PPFIA1: variants seen among roughly 807,000 people sequenced by gnomAD.
PPFIA1 encodes the protein PPFI scaffold protein A1, also known as liprin-alpha-1.
In PPFIA1, 25 loss-of-function variants were observed where a neutral mutation model predicts 149.9. The observed-to-expected ratio is 0.17, with a 90% CI of 0.12 to 0.23. PPFIA1 has a LOEUF of 0.23. Among genes scored for constraint, PPFIA1 ranks in the 10% least tolerant of loss-of-function variants. PPFIA1 has a pLI of 1.00. For missense variants in PPFIA1, 1,362 were observed against 1,506.5 expected, an observed-to-expected ratio of 0.90 and a Z score of 1.59; for synonymous variants, 549 against 552.8, an observed-to-expected ratio of 0.99 and a Z score of 0.10.
chr11:70,364,798 A>G (rs534558822), intron 21 of PPFIA1: 1 of 152,306 alleles, frequency 6.6e-6, no homozygotes, highest in Admixed American at 6.5e-5. Flanking sequence ...AACACCTCAC[A>G]TAAGGCAGAC....
intron 19 of PPFIA1, chr11:70,358,670 A>G (rs2056478604): frequency 6.6e-6 from 1 of 152,242 alleles, no homozygotes; most frequent in Non-Finnish European, 1.5e-5. Flanking sequence ...TTTAACTCAA[A>G]GGTGTGTTTT....
At chr11:70,379,621 A>T (rs1188600309) in intron 26 of PPFIA1, among the ~76,000 whole-genome samples, 1 of 152,112 alleles carries the variant, frequency 6.6e-6, no homozygotes, top group Admixed American at 6.6e-5. Context: ...TAAAAAAAAA[A>T]AAATAATAAT....
intron 16 of PPFIA1, among the ~76,000 whole-genome samples, chr11:70,353,525 G>A (rs2056189510): frequency 6.6e-6 from 1 of 152,122 alleles, no homozygotes; most frequent in Non-Finnish European, 1.5e-5. Flanking sequence ...ACCCTGCAGG[G>A]GTGAGTCTGT....
rs193000064 is a variant in PPFIA1, at chr11:70,382,653, C to A, written c.*13-350C>A. Among the ~76,000 whole-genome samples, 419 of 152,324 alleles carry A rather than the reference C, an allele frequency of 2.8e-3. 3 individuals are homozygous for A. The highest frequency in any genetic ancestry group is 9.6e-3 in the African/African-American group (397 of 41,570). On this transcript the variant is annotated intron_variant, in intron 27 of 27. Transcript: ENST00000253925. ...GCCTTTCAGTTTGGAGAGACTGGTT[C>A]TTAAAACTGCGGACTCTGGCTGGTG...
intron 2 of PPFIA1, chr11:70,282,518 A>ATTTTTT (rs869216935): frequency 4.2e-5 from 3 of 71,464 alleles, no homozygotes; most frequent in African/African-American, 1.3e-4. Context: ...TTGAGTGCTG[A>ATTTTTT]TTTTTTTTTT....
At chr11:70,298,486 G>A (rs1310556807) in intron 2 of PPFIA1, among the ~76,000 whole-genome samples, 1 of 152,152 alleles carries the variant, frequency 6.6e-6, no homozygotes, top group Non-Finnish European at 1.5e-5. Flanking sequence ...TGAATGCCTG[G>A]CACTTTCTTT....
At chr11:70,374,885 GC>G in intron 23 of PPFIA1, 32 bp from the exon 24 acceptor site, 1 of 1,600,568 alleles carries the variant, frequency 6.2e-7, no homozygotes, top group Non-Finnish European at 8.5e-7. Flanking sequence ...GCTTTCTGAA[GC>G]CACTTTTATA....
intron 20 of PPFIA1, 28 bp downstream of exon 20, chr11:70,362,204 C>T (rs542038045): frequency 1.4e-5 from 22 of 1,612,820 alleles, no homozygotes; most frequent in South Asian, 1.2e-4. Flanking sequence ...CATGCAGTTG[C>T]GTGGGTTACA....
chr11:70,317,415 T>C (rs2053700113), intron 2 of PPFIA1, among the ~76,000 whole-genome samples: 1 of 152,210 alleles, frequency 6.6e-6, no homozygotes, highest in South Asian at 2.1e-4. Flanking sequence ...GAGAGAAAGG[T>C]TTTTTTCTTT....
chr11:70,296,054 G>C (rs1457640890), intron 2 of PPFIA1, among the ~76,000 whole-genome samples: 4 of 151,184 alleles, frequency 2.6e-5, no homozygotes, highest in African/African-American at 9.7e-5. Flanking sequence ...GGGCGTCGGG[G>C]CAAAGGCACT....
At position 70,372,267 on chromosome 11, in the gene PPFIA1, C is replaced by T. The variant is rs1475495318; in HGVS notation, c.2918C>T (p.Pro973Leu). The T allele has an allele frequency of 6.2e-7, 1 of 1,614,202 alleles. No homozygotes were observed. The highest frequency in any genetic ancestry group is 8.5e-7 in the Non-Finnish European group (1 of 1,180,050). ...GAGTGGATCGGCAACGAGTGGCTCC[C>T]CAGCCTGGGCCTCCCCCAGTACCGC... ...NHEWIGNEWLPSLGLPQYRSY... is the reference protein window; with the variant it reads ...NHEWIGNEWLLSLGLPQYRSY... The change falls in exon 22 of 28, where the codon CCC (proline) becomes CTC (leucine). Residue 973 changes from proline to leucine, a missense_variant. By Grantham distance (98) the Pro-to-Leu change is moderately conservative. This residue lies in a region of PPFIA1 where 349 missense variants were observed against 373.3 expected (regional missense o/e 0.93). Coordinates refer to ENST00000253925, the MANE Select transcript of PPFIA1 (RefSeq NM_003626.5).
chr11:70,276,576 C>T (rs1057477775), intron 2 of PPFIA1, among the ~76,000 whole-genome samples: 1 of 151,930 alleles, frequency 6.6e-6, no homozygotes, highest in Non-Finnish European at 1.5e-5. Flanking sequence ...TTTTCTACTC[C>T]CTAGAAGAGT....
chr11:70,376,675 GTTA>G (rs2057504366), intron 25 of PPFIA1, 75 bp downstream of exon 25: 29 of 1,242,662 alleles, frequency 2.3e-5, no homozygotes, highest in South Asian at 6.0e-5. Flanking sequence ...AATGTAAGCT[GTTA>G]TTATTATTAT....
intron 15 of PPFIA1, among the ~76,000 whole-genome samples, chr11:70,344,564 C>T (rs1189552480): frequency 1.3e-5 from 2 of 152,236 alleles, no homozygotes. Flanking sequence ...CAGCCTCCTG[C>T]ACAGAAGAGG....
At chr11:70,380,735 CA>C (rs113647001) in intron 26 of PPFIA1, among the ~76,000 whole-genome samples, 26,026 of 104,024 alleles carry the variant, frequency 0.25, 2,827 homozygotes, top group African/African-American at 0.41. Context: ...AACTCTGTCT[CA>C]AAAAAAAAAA....
intron 21 of PPFIA1, among the ~76,000 whole-genome samples, chr11:70,368,289 G>C (rs948906251): frequency 2.0e-5 from 3 of 152,152 alleles, no homozygotes; most frequent in African/African-American, 7.2e-5. Flanking sequence ...TTTTCTAGTA[G>C]AATTTAAACA....
At chr11:70,340,027 A>G (rs1427671087) in intron 14 of PPFIA1, among the ~76,000 whole-genome samples, 4 of 152,056 alleles carry the variant, frequency 2.6e-5, no homozygotes, top group African/African-American at 7.2e-5. Context: ...AATAAAATAA[A>G]AAGCCGAGTG....
At chr11:70,381,560 C>T (rs574626596) in intron 26 of PPFIA1, among the ~76,000 whole-genome samples, 2 of 152,176 alleles carry the variant, frequency 1.3e-5, no homozygotes, top group African/African-American at 2.4e-5. Context: ...AAAAGGGCAC[C>T]GGCTTCCCAG....
intron 2 of PPFIA1, among the ~76,000 whole-genome samples, chr11:70,319,310 G>A (rs192457294): frequency 3.3e-5 from 5 of 152,280 alleles, no homozygotes; most frequent in Middle Eastern, 3.4e-3. Flanking sequence ...CTGCATAATT[G>A]CAGTCATTTC....
Sources: gnomAD v4.1 joint callset for allele counts (sites outside exome capture counted in the v4.1 genomes callset) on GRCh38, gnomAD v4.1.1 for gene constraint, gnomAD v4.1.1 regional missense constraint, MANE v1.5 for transcripts, NCBI Gene and HGNC (gene_info 2026-07-23, HGNC 2026-07-21) for gene names.